PAK1: variants seen among roughly 807,000 people sequenced by gnomAD.
The protein encoded by PAK1 is serine/threonine-protein kinase PAK 1.
A neutral mutation model predicts 67.4 loss-of-function variants in PAK1; 29 were observed. The observed-to-expected ratio is 0.43, with a 90% confidence interval of 0.32 to 0.59. The LOEUF (loss-of-function observed/expected upper bound fraction) is 0.59, where lower values mean the gene tolerates loss of function less well. PAK1 is among the 20% of genes least tolerant of loss of function. The probability of loss-of-function intolerance (pLI) is 0.07; values close to 1 mark genes in which losing one functional copy is unlikely to be tolerated. For missense variants in PAK1, 337 were observed against 670.7 expected (o/e 0.50, Z 5.50); for synonymous variants, 223 against 237.4 (o/e 0.94, Z 0.56).
At chr11:77,373,561 T>C (rs1565630611) in intron 5 of PAK1, among the ~76,000 whole-genome samples, 2 of 134,770 alleles carry the variant, frequency 1.5e-5, no homozygotes, top group Admixed American at 1.4e-4. Flanking sequence ...CCTCGTCTCT[T>C]TAAAAAAAAA....
At chr11:77,468,785 T>A (rs1463711985) in intron 1 of PAK1, among the ~76,000 whole-genome samples, 1 of 152,162 alleles carries the variant, frequency 6.6e-6, no homozygotes, top group Non-Finnish European at 1.5e-5. Context: ...GGCAATATGT[T>A]ATAGTGGCAA....
the PAK1 span, among the ~76,000 whole-genome samples, chr11:77,512,222 C>G: frequency 6.6e-6 from 1 of 152,284 alleles, no homozygotes; most frequent in Non-Finnish European, 1.5e-5. Flanking sequence ...CAGCTGGTCA[C>G]CGAAGCAGTT....
At chr11:77,384,021 T>C (rs1950161500) in intron 2 of PAK1, among the ~76,000 whole-genome samples, 1 of 152,192 alleles carries the variant, frequency 6.6e-6, no homozygotes, top group African/African-American at 2.4e-5. Flanking sequence ...GCATGCTCTG[T>C]GTACAGAAGA....
chr11:77,482,597 CTTT>C, the PAK1 span, among the ~76,000 whole-genome samples: 3 of 137,420 alleles, frequency 2.2e-5, no homozygotes, highest in Non-Finnish European at 3.1e-5. Context: ...CTCTTTTTTT[CTTT>C]TTTTTTTTTT....
At chr11:77,429,286 A>C (rs538078381) in intron 1 of PAK1, among the ~76,000 whole-genome samples, 5 of 152,250 alleles carry the variant, frequency 3.3e-5, no homozygotes, top group African/African-American at 1.2e-4. Context: ...AAAACAAATG[A>C]TGCTAGCAAT....
chr11:77,325,593 G>C (rs185410448), intron 14 of PAK1, among the ~76,000 whole-genome samples: 9 of 152,206 alleles, frequency 5.9e-5, no homozygotes, highest in Non-Finnish European at 1.3e-4. Flanking sequence ...ATTAAGAATG[G>C]TATCTTTACT....
In PAK1 at chr11:77,335,145, C is replaced by T. The variant is rs1942456642; in HGVS notation, c.1413+941G>A. 2.6e-5 allele frequency among the ~76,000 whole-genome samples: 4 copies of T among 152,344 alleles called. No individual in the cohort carries two copies. The South Asian group carries it at 8.3e-4, about 32-fold the overall frequency. ...TGGTCTACTTTGCTAGTTCTTCCAA[C>T]CTGTAAACAGTGGAATAACCTAGAG... On this transcript the variant is annotated intron_variant, in intron 13 of 14. Coordinates refer to ENST00000356341, the MANE Select transcript of PAK1 (RefSeq NM_002576.5).
chr11:77,503,789 T>C, the PAK1 span, among the ~76,000 whole-genome samples: 1 of 152,178 alleles, frequency 6.6e-6, no homozygotes, highest in Non-Finnish European at 1.5e-5. Flanking sequence ...AAAGTCGAGG[T>C]TGCAGTGAGC....
intron 2 of PAK1, among the ~76,000 whole-genome samples, chr11:77,381,683 T>C (rs1279754667): frequency 6.6e-6 from 1 of 152,234 alleles, no homozygotes; most frequent in Non-Finnish European, 1.5e-5. Flanking sequence ...CCGTCATTCT[T>C]ACAATCCTAT....
intron 14 of PAK1, among the ~76,000 whole-genome samples, chr11:77,331,676 C>T (rs1941556352): frequency 6.6e-6 from 1 of 151,872 alleles, no homozygotes; most frequent in Non-Finnish European, 1.5e-5. Flanking sequence ...AAGAGATATA[C>T]CTAATGCTAA....
intron 9 of PAK1, among the ~76,000 whole-genome samples, chr11:77,347,946 A>T (rs1293183039): frequency 1.3e-5 from 2 of 152,110 alleles, no homozygotes; most frequent in Non-Finnish European, 2.9e-5. Context: ...TAAGTAGCTA[A>T]AGGCTTATAA....
intron 1 of PAK1, among the ~76,000 whole-genome samples, chr11:77,427,811 C>T (rs1271056914): frequency 1.3e-5 from 2 of 152,146 alleles, no homozygotes. Flanking sequence ...GAGGTTTCAC[C>T]AGGTAATTCC....
intron 2 of PAK1, among the ~76,000 whole-genome samples, chr11:77,391,887 T>A (rs1269044916): frequency 6.6e-6 from 1 of 152,186 alleles, no homozygotes; most frequent in Non-Finnish European, 1.5e-5. Flanking sequence ...CCATTCTTAC[T>A]GATACGTAGT....
At chr11:77,374,827 T>C (rs994997409) in intron 4 of PAK1, among the ~76,000 whole-genome samples, 3 of 152,202 alleles carry the variant, frequency 2.0e-5, no homozygotes, top group African/African-American at 4.8e-5. Context: ...CGGTAAGTAT[T>C]TGTATATCTA....
the PAK1 span, among the ~76,000 whole-genome samples, chr11:77,500,325 G>A: frequency 6.6e-6 from 1 of 152,144 alleles, no homozygotes; most frequent in South Asian, 2.1e-4. Flanking sequence ...AAATTAGCCA[G>A]GCATGGTGGT....
At chr11:77,448,301 T>C (rs995747223) in intron 1 of PAK1, among the ~76,000 whole-genome samples, 1 of 152,234 alleles carries the variant, frequency 6.6e-6, no homozygotes, top group African/African-American at 2.4e-5. Flanking sequence ...ACTCAATGCG[T>C]GGTACTTTCC....
rs1271743512 is a variant in PAK1, at chr11:77,429,080, AAAAAAAAAAAAAAAC to A, written c.-21-36554_-21-36540del. Among the ~76,000 whole-genome samples the A allele has an allele frequency of 1.3e-3, 160 of 121,850 alleles. 6 individuals carry two copies. Among genetic ancestry groups the A allele is most frequent in the African/African-American group, 6.0e-3 (152 of 25,150 alleles). 79.9% of individuals were successfully genotyped at this position (121,850 alleles called of 152,430 possible). A position where few individuals can be genotyped will look rare whatever the true frequency, so the allele number is the denominator to read the frequency against. On this transcript the variant is annotated intron_variant, in intron 1 of 14. Coordinates refer to ENST00000356341, the MANE Select transcript of PAK1 (RefSeq NM_002576.5). ...CTAAAAAAAAAAAAAAAAAAAAAAA[AAAAAAAAAAAAAAAC>A]ACACACACACACATCAGGATTCCTT...
intron 1 of PAK1, among the ~76,000 whole-genome samples, chr11:77,432,434 G>A (rs138312457): frequency 8.1e-4 from 123 of 151,830 alleles, no homozygotes; most frequent in African/African-American, 2.9e-3. Flanking sequence ...TCTGGTCAGA[G>A]CAATTAGGTG....
chr11:77,407,115 T>C (rs1262692916), intron 1 of PAK1, among the ~76,000 whole-genome samples: 1 of 152,164 alleles, frequency 6.6e-6, no homozygotes, highest in East Asian at 1.9e-4. Flanking sequence ...TCCATTTTTA[T>C]ACATGAAGCT....
Sources: allele counts gnomAD v4.1 joint callset (sites outside exome capture counted in the v4.1 genomes callset), GRCh38; gene constraint gnomAD v4.1.1; transcripts MANE v1.5; gene names NCBI Gene and HGNC (gene_info 2026-07-23, HGNC 2026-07-21).